The following NDST3 variants were observed in gnomAD, a reference collection of about 807,000 sequenced individuals.
NDST3 encodes the protein N-deacetylase and N-sulfotransferase 3.
A neutral mutation model predicts 96.1 loss-of-function variants in NDST3; 58 were observed. That is an observed-to-expected ratio of 0.60 (90% CI 0.49 to 0.75). The LOEUF (loss-of-function observed/expected upper bound fraction) is 0.75, where lower values mean the gene tolerates loss of function less well. Among genes scored for constraint, NDST3 ranks in the 30% least tolerant of loss-of-function variants. NDST3 has a pLI of 0.00. For missense variants in NDST3, 788 were observed against 1,034.2 expected, an observed-to-expected ratio of 0.76 and a Z score of 3.27; for synonymous variants, 333 against 359.7, an observed-to-expected ratio of 0.93 and a Z score of 0.84.
chr4:118,109,584 T>C (rs1473683596), intron 3 of NDST3, among the ~76,000 whole-genome samples: 1 of 152,192 alleles, frequency 6.6e-6, no homozygotes, highest in African/African-American at 2.4e-5. Context: ...GGCCAAGGTT[T>C]GAAAGGGTCT....
chr4:118,091,260 C>T (rs758127877), intron 2 of NDST3, among the ~76,000 whole-genome samples: 19 of 151,576 alleles, frequency 1.3e-4, no homozygotes, highest in Non-Finnish European at 2.7e-4. Flanking sequence ...TACCCATGTA[C>T]AAACCTACAC....
intron 6 of NDST3, among the ~76,000 whole-genome samples, chr4:118,210,008 A>T (rs1738681945): frequency 6.6e-6 from 1 of 152,174 alleles, no homozygotes; most frequent in African/African-American, 2.4e-5. Context: ...CATGAAAGAT[A>T]ATAGACACCA....
intron 12 of NDST3, 24 bp from the exon 13 acceptor site, chr4:118,253,475 T>C: frequency 4.1e-6 from 6 of 1,478,892 alleles, no homozygotes; most frequent in Non-Finnish European, 5.5e-6. Context: ...CTGGTTTTTC[T>C]GTGTGTATTC....
intron 6 of NDST3, among the ~76,000 whole-genome samples, chr4:118,190,465 A>C (rs924686319): frequency 3.9e-5 from 6 of 152,254 alleles, no homozygotes; most frequent in Admixed American, 3.9e-4. Context: ...TGACTGAAAT[A>C]AATTTTGAAA....
intron 6 of NDST3, among the ~76,000 whole-genome samples, chr4:118,208,063 A>G (rs545638098): frequency 6.9e-6 from 1 of 144,946 alleles, no homozygotes; most frequent in South Asian, 2.3e-4. Context: ...TTCAGAAAGT[A>G]TAACCCTTTA....
chr4:118,162,768 A>C (rs1392705437), intron 6 of NDST3, among the ~76,000 whole-genome samples: 2 of 148,388 alleles, frequency 1.3e-5, no homozygotes, highest in African/African-American at 4.9e-5. Context: ...ATTAAACTAA[A>C]GAGCTTCTGC....
chr4:118,052,763 C>A (rs1725152487), intron 1 of NDST3, among the ~76,000 whole-genome samples: 2 of 151,728 alleles, frequency 1.3e-5, no homozygotes, highest in African/African-American at 4.8e-5. Flanking sequence ...TGCTGTGATA[C>A]CAGAGGAAGT....
intron 13 of NDST3, among the ~76,000 whole-genome samples, chr4:118,254,561 T>A (rs752410576): frequency 6.6e-6 from 1 of 152,186 alleles, no homozygotes; most frequent in Admixed American, 6.5e-5. Flanking sequence ...TTTACTTTAA[T>A]GCTTACTTGA....
chr4:118,107,999 C>T (rs1038382588), intron 3 of NDST3, among the ~76,000 whole-genome samples: 16 of 152,152 alleles, frequency 1.1e-4, no homozygotes, highest in African/African-American at 3.1e-4. Flanking sequence ...ACAATCATGG[C>T]GGAAGATGAA....
chr4:118,244,249 CT>C (rs1400267513), intron 12 of NDST3, among the ~76,000 whole-genome samples: 3 of 152,118 alleles, frequency 2.0e-5, no homozygotes, highest in Non-Finnish European at 4.4e-5. Context: ...ACCCTATGCC[CT>C]TTGTAGTTGT....
intron 6 of NDST3, among the ~76,000 whole-genome samples, chr4:118,160,481 AC>A (rs928981169): frequency 2.0e-5 from 3 of 151,474 alleles, no homozygotes; most frequent in Admixed American, 6.6e-5. Context: ...AAAAAAAAAA[AC>A]AACTTTATTT....
chr4:118,132,357 C>T (rs1476454063), intron 4 of NDST3, among the ~76,000 whole-genome samples: 1 of 152,160 alleles, frequency 6.6e-6, no homozygotes, highest in Non-Finnish European at 1.5e-5. Context: ...ACCAGCAGCC[C>T]TTGGCAGGGT....
chr4:118,138,380 G>T, intron 5 of NDST3, 141 bp downstream of exon 5: 1 of 637,004 alleles, frequency 1.6e-6, no homozygotes, highest in Non-Finnish European at 2.4e-6. Context: ...TCATATCTAA[G>T]CAGAAAATGT....
chr4:118,252,211 T>A (rs1277169548), intron 12 of NDST3, among the ~76,000 whole-genome samples: 1 of 152,226 alleles, frequency 6.6e-6, no homozygotes, highest in South Asian at 2.1e-4. Flanking sequence ...CACTTTTATA[T>A]CTGAGCATAC....
At chr4:118,033,438 G>C (rs1010229435), upstream of NDST3, among the ~76,000 whole-genome samples, 6 of 152,098 alleles carry the variant, frequency 3.9e-5, no homozygotes, top group African/African-American at 1.4e-4. Context: ...GCAGGCCGGG[G>C]CGGAACCCCC....
intron 6 of NDST3, among the ~76,000 whole-genome samples, chr4:118,144,539 T>C (rs75288221): frequency 2.7e-5 from 4 of 150,800 alleles, no homozygotes; most frequent in African/African-American, 9.7e-5. Flanking sequence ...CATTTGCATA[T>C]ATTTCTGCTT....
chr4:118,075,967 T>C (rs1055973169), intron 2 of NDST3, among the ~76,000 whole-genome samples: 1 of 152,140 alleles, frequency 6.6e-6, no homozygotes, highest in Non-Finnish European at 1.5e-5. Flanking sequence ...GTCATGAAGT[T>C]AAGGACTTCT....
intron 6 of NDST3, among the ~76,000 whole-genome samples, chr4:118,150,758 G>T (rs975383408): frequency 6.6e-6 from 1 of 151,412 alleles, no homozygotes; most frequent in African/African-American, 2.4e-5. Flanking sequence ...AGAGGATGTG[G>T]AGAAATAGGA....
At chr4:118,058,645 G>A (rs1006722667) in intron 2 of NDST3, among the ~76,000 whole-genome samples, 8 of 14,446 alleles carry the variant, frequency 5.5e-4, no homozygotes, top group Non-Finnish European at 1.7e-3. Flanking sequence ...GCGCGCGCGC[G>A]CACGCATGCA....
Sources: gnomAD v4.1 joint callset for allele counts (sites outside exome capture counted in the v4.1 genomes callset) on GRCh38, gnomAD v4.1.1 for gene constraint, MANE v1.5 for transcripts, NCBI Gene and HGNC (gene_info 2026-07-23, HGNC 2026-07-21) for gene names.